Variants in PTCH1 observed in about 807,000 individuals in gnomAD.
The protein encoded by PTCH1 is patched 1, also known as protein patched homolog 1.
In PTCH1, 14 loss-of-function variants were observed where a neutral mutation model predicts 144.6. The ratio of observed to expected loss-of-function variants is 0.10; its 90% confidence interval spans 0.06 to 0.15. The LOEUF (loss-of-function observed/expected upper bound fraction) is 0.15, where lower values mean the gene tolerates loss of function less well. Among genes scored for constraint, PTCH1 ranks in the 10% least tolerant of loss-of-function variants. The probability of loss-of-function intolerance (pLI) is 1.00; values close to 1 mark genes in which losing one functional copy is unlikely to be tolerated. For synonymous variants in PTCH1, 833 were observed against 793.6 expected, an observed-to-expected ratio of 1.05 and a Z score of -0.83; for missense variants, 1,623 against 1,948.3, an observed-to-expected ratio of 0.83 and a Z score of 3.14.
At chr9:95,477,833 C>T (rs1173996768) in intron 9 of PTCH1, 131 bp from the exon 10 acceptor site, 13 of 1,467,196 alleles carry the variant, frequency 8.9e-6, no homozygotes, top group Non-Finnish European at 1.1e-5. Flanking sequence ...AACTTTACAT[C>T]AAGGGCGTCA....
chr9:95,449,596 T>C lies in PTCH1; in HGVS notation c.3549+245A>G, dbSNP rs1838274568. ...ATTATGCATCTCAAGGGGAAAGTCT[T>C]CATTTACTGTATAAAGATCTGTAAG... On this transcript the variant is annotated intron_variant, in intron 21 of 23. Coordinates refer to ENST00000331920, the MANE Select transcript of PTCH1 (RefSeq NM_000264.5). The surrounding 1 kb of genome is among the most constrained non-coding windows in gnomAD (Gnocchi z 5.3). The C allele has an allele frequency of 1.6e-6, 1 of 637,044 alleles. No individual in the cohort carries two copies. The highest frequency in any genetic ancestry group is 1.8e-5 in the African/African-American group (1 of 54,526). 39.5% of individuals were successfully genotyped at this position (637,044 alleles called of 1,614,324 possible). A position where few individuals can be genotyped will look rare whatever the true frequency, so the allele number is the denominator to read the frequency against.
chr9:95,498,550 C>T (rs772080805), intron 2 of PTCH1, among the ~76,000 whole-genome samples: 4 of 152,106 alleles, frequency 2.6e-5, no homozygotes, highest in Non-Finnish European at 5.9e-5. Context: ...CACCAGGCTC[C>T]TAAAATCCTC....
intron 2 of PTCH1, among the ~76,000 whole-genome samples, chr9:95,488,558 C>T (rs914296448): frequency 1.1e-4 from 13 of 123,160 alleles, no homozygotes; most frequent in Non-Finnish European, 3.1e-5. Flanking sequence ...AGTTGCCACC[C>T]ATTTTATCTG....
At chr9:95,514,656 G>A (rs923308119) in intron 1 of PTCH1, 1 of 152,088 alleles carries the variant, frequency 6.6e-6, no homozygotes, top group Non-Finnish European at 1.5e-5. Context: ...GTGAGAGAGA[G>A]AGAGGAATGA....
At chr9:95,508,132 A>T (rs761892584) in intron 1 of PTCH1, 29 bp downstream of exon 1, 4 of 1,611,558 alleles carry the variant, frequency 2.5e-6, no homozygotes, top group Non-Finnish European at 3.4e-6. Flanking sequence ...GAGGGAAGAG[A>T]AAGTGGGAGG....
At chr9:95,494,707 G>A (rs193139784) in intron 2 of PTCH1, among the ~76,000 whole-genome samples, 2 of 152,310 alleles carry the variant, frequency 1.3e-5, no homozygotes, top group African/African-American at 4.8e-5. Flanking sequence ...GCAGGCAGCA[G>A]AACCCAGGAA....
Position 95,479,974 on chromosome 9 carries a change from G to A in PTCH1, c.1062C>T (p.Leu354=), listed in dbSNP as rs1554699558. The change falls in exon 7 of 24, where the codon CTC becomes CTT. Residue 354 remains leucine, a synonymous_variant. Coordinates refer to ENST00000331920, the MANE Select transcript of PTCH1 (RefSeq NM_000264.5). The stretch of plus-strand genomic sequence containing the variant: ...GTCCTCGGGAGCTGGCTTACCTGAC[G>A]AGTTTTCCAGTGCTGTTCTTGACTG... The part of the protein sequence containing the change: ...GGTVKNSTGK[L]VSAHALQTMF... 4 of 1,614,150 alleles carry A rather than the reference G, an allele frequency of 2.5e-6. No homozygotes were observed. Among genetic ancestry groups the A allele is most frequent in the Non-Finnish European group, 3.4e-6 (4 of 1,180,028 alleles).
Position 95,447,403 on chromosome 9 carries a change from G to T in PTCH1, c.3853C>A (p.Gln1285Lys), listed in dbSNP as rs1216794003. The change falls in exon 23 of 24, where the codon CAG becomes AAG. Residue 1285 changes from glutamine to lysine, a missense_variant. Physicochemically the swap from Gln to Lys is moderately conservative, Grantham distance 53 (BLOSUM62 1). Transcript: ENST00000331920. ...AGGGACCCTGAGTCCAGGTGGGGCT[G>T]CTGTCTCGGGTTCGAGGGTGGGTGA... ...RHHPPSNPRQQPHLDSGSLPP... is the reference protein window; with the variant it reads ...RHHPPSNPRQKPHLDSGSLPP... 1.9e-6 allele frequency: 3 copies of T among 1,608,082 alleles called. No individual in the cohort carries two copies. The South Asian group carries it at 3.3e-5, about 18-fold the overall frequency.
intron 1 of PTCH1, chr9:95,516,386 C>T: frequency 2.7e-6 from 3 of 1,108,380 alleles, no homozygotes; most frequent in East Asian, 3.4e-5. Context: ...GGGCGTCCCG[C>T]GTCCCCGTGT....
At chr9:95,510,533 G>T (rs1428607256), upstream of PTCH1, among the ~76,000 whole-genome samples, 1 of 152,058 alleles carries the variant, frequency 6.6e-6, no homozygotes, top group African/African-American at 2.4e-5. Context: ...TCGGAAAGTG[G>T]AATGTGTTTT....
upstream of PTCH1, among the ~76,000 whole-genome samples, chr9:95,509,702 A>G (rs764835051): frequency 3.9e-5 from 6 of 152,202 alleles, no homozygotes; most frequent in Non-Finnish European, 7.3e-5. Flanking sequence ...AAATTCCTCA[A>G]AGAAAAGCCT....
upstream of PTCH1, among the ~76,000 whole-genome samples, chr9:95,513,794 C>T (rs1844251787): frequency 6.6e-6 from 1 of 152,140 alleles, no homozygotes; most frequent in South Asian, 2.1e-4. Flanking sequence ...CTACTCCCTT[C>T]CACCTTCTGT....
rs1340194746 is a variant in PTCH1, at chr9:95,507,322, G to A, written c.202-723C>T. ...AACGTAAAAAACAGCCGAGTGCAAA[G>A]GGAAGGGCTCAGGCCGGCGCAGGCT... On this transcript the variant is annotated intron_variant, in intron 1 of 23. Transcript: ENST00000331920. 13 of 985,388 alleles carry A rather than the reference G, an allele frequency of 1.3e-5. No homozygotes were observed. In the South Asian group the frequency reaches 2.3e-4, roughly 18 times the overall value. 61.0% of individuals were successfully genotyped at this position (985,388 alleles called of 1,614,324 possible).
intron 16 of PTCH1, 52 bp from the exon 17 acceptor site, chr9:95,459,835 A>G: frequency 6.3e-7 from 1 of 1,586,732 alleles, no homozygotes; most frequent in South Asian, 1.1e-5. Flanking sequence ...GGGGGTAAAC[A>G]CACTTCTGCC....
intron 1 of PTCH1, chr9:95,507,859 G>A: frequency 1.7e-6 from 2 of 1,157,944 alleles, no homozygotes; most frequent in South Asian, 3.3e-5. Context: ...CGCCGTGGAC[G>A]GCTTTCCAGT....
chr9:95,487,746 TC>T (rs1306667000), intron 2 of PTCH1, among the ~76,000 whole-genome samples: 1 of 152,214 alleles, frequency 6.6e-6, no homozygotes, highest in Non-Finnish European at 1.5e-5. Flanking sequence ...TGTTACTGCC[TC>T]CTCGAACATC....
chr9:95,481,179 G>A (rs983670262), intron 5 of PTCH1, among the ~76,000 whole-genome samples: 3 of 152,164 alleles, frequency 2.0e-5, no homozygotes, highest in Non-Finnish European at 4.4e-5. Context: ...CTGTTATGTG[G>A]TTCAAACCAC....
chr9:95,507,905 TACAC>T (rs139956254), intron 1 of PTCH1: 168 of 1,286,228 alleles, frequency 1.3e-4, no homozygotes, highest in Non-Finnish European at 1.5e-4. Context: ...GGCGTGTGTA[TACAC>T]ACACACACAC....
chr9:95,490,559 A>AG, intron 2 of PTCH1, among the ~76,000 whole-genome samples: 1 of 150,062 alleles, frequency 6.7e-6, no homozygotes, highest in Non-Finnish European at 1.5e-5. Context: ...ACACACACAA[A>AG]AGAAAGATAG....
Sources: allele counts gnomAD v4.1 joint callset (sites outside exome capture counted in the v4.1 genomes callset), GRCh38; gene constraint gnomAD v4.1.1; non-coding constraint Gnocchi (gnomAD v3.1); transcripts MANE v1.5; gene names NCBI Gene and HGNC (gene_info 2026-07-23, HGNC 2026-07-21).